Variants in DENND4C observed in about 807,000 individuals in gnomAD.
The protein encoded by DENND4C is DENN domain containing 4C, also known as DENN domain-containing protein 4C.
Under a neutral mutation model 203.0 loss-of-function variants are expected in DENND4C, and 108 were observed. The observed-to-expected ratio is 0.53, with a 90% CI of 0.46 to 0.62. The LOEUF (loss-of-function observed/expected upper bound fraction) is 0.62. Ranked by LOEUF, DENND4C falls within the 20% of genes least tolerant of loss-of-function variation. The pLI is 0.00. For synonymous variants in DENND4C, 871 were observed against 792.4 expected, an observed-to-expected ratio of 1.10 and a Z score of -1.67; for missense variants, 2,481 against 2,301.2, an observed-to-expected ratio of 1.08 and a Z score of -1.60.
rs764769158 is a variant in DENND4C, at chr9:19,372,086, G to T, written c.5790G>T (p.Glu1930Asp). The stretch of plus-strand genomic sequence containing the variant: ...TTGCATACAATAGTCTGTCTTCAGA[G>T]ATTCTTGAAAGGTTGCAGAAAATTG... ...YGIAYNSLSS[E>D]ILERLQKIDA... Residue 1930 changes from glutamate to aspartate, a missense_variant, in exon 33 of 33, where the codon GAG becomes GAT. By Grantham distance (45) the Glu-to-Asp change is conservative. Coordinates refer to ENST00000434457, the MANE Select transcript of DENND4C (RefSeq NM_001330640.2). 1.2e-6 allele frequency: 2 copies of T among 1,614,004 alleles called. No homozygotes were observed. Among genetic ancestry groups the T allele is most frequent in the South Asian group, 1.1e-5 (1 of 91,088 alleles).
At chr9:19,356,048 T>G (rs1324591564) in intron 26 of DENND4C, among the ~76,000 whole-genome samples, 1 of 152,176 alleles carries the variant, frequency 6.6e-6, no homozygotes, top group Non-Finnish European at 1.5e-5. Context: ...CCCCTGAATA[T>G]GTTGTTATAG....
At chr9:19,252,007 C>A (rs1220443426) in intron 1 of DENND4C, among the ~76,000 whole-genome samples, 1 of 152,184 alleles carries the variant, frequency 6.6e-6, no homozygotes, top group African/African-American at 2.4e-5. Flanking sequence ...GATATCTTTT[C>A]AGCAGTGCCC....
chr9:19,272,296 T>C (rs553233597), intron 1 of DENND4C, among the ~76,000 whole-genome samples: 1 of 151,786 alleles, frequency 6.6e-6, no homozygotes, highest in Admixed American at 6.6e-5. Context: ...GGGACATGCC[T>C]GTAATCCCAG....
intron 2 of DENND4C, among the ~76,000 whole-genome samples, chr9:19,283,007 C>T (rs1372402223): frequency 1.3e-5 from 2 of 151,980 alleles, no homozygotes; most frequent in African/African-American, 4.8e-5. Context: ...GCGTGAGCCA[C>T]CGCCTCTGAC....
chr9:19,326,063 G>A lies in DENND4C; in HGVS notation c.1990-1G>A. ...AATTGGGGAAAAATAATGATTTTCA[G>A]GTTGATTTTGATTCAGCAGAAGATA... On this transcript the variant is annotated splice_acceptor_variant, in intron 14 of 32. Transcript: ENST00000434457. LOFTEE classifies it high-confidence loss of function. 6.2e-7 allele frequency: 1 copy of A among 1,607,550 alleles called. No homozygotes were observed. Among genetic ancestry groups the A allele is most frequent in the Non-Finnish European group, 8.5e-7 (1 of 1,178,114 alleles).
chr9:19,238,173 C>A (rs1034017618), intron 1 of DENND4C, among the ~76,000 whole-genome samples: 2 of 151,452 alleles, frequency 1.3e-5, no homozygotes, highest in South Asian at 4.2e-4. Flanking sequence ...ACCTGTGCCT[C>A]CTGGATTCAA....
intron 1 of DENND4C, among the ~76,000 whole-genome samples, chr9:19,271,291 A>C (rs80034021): frequency 0.028 from 4,192 of 147,096 alleles, 190 homozygotes; most frequent in African/African-American, 0.098. Context: ...TCTCTGCCTC[A>C]CTAATTCAAG....
chr9:19,321,491 GTTTTGTTTTTGT>G (rs897058953), intron 12 of DENND4C, among the ~76,000 whole-genome samples: 2 of 151,098 alleles, frequency 1.3e-5, no homozygotes, highest in Non-Finnish European at 3.0e-5. Context: ...GTTTTGTTTT[GTTTTGTTTTTGT>G]TTTTGTTTTT....
rs1448113786 is a variant in DENND4C at position 19,282,650 on chromosome 9, A to G, written c.306-4119A>G. 4.7e-5 allele frequency among the ~76,000 whole-genome samples: 7 copies of G among 150,342 alleles called. No homozygotes were observed. In the East Asian group the frequency reaches 1.4e-3, roughly 29 times the overall value. On this transcript the variant is annotated intron_variant, in intron 2 of 32. Coordinates refer to ENST00000434457, the MANE Select transcript of DENND4C (RefSeq NM_001330640.2). ...AAGTGATCCAGCCTCAGCCTGCTGA[A>G]TAGCTGGCACTAGCTTGGTTTTTAA...
At chr9:19,265,888 A>G (rs1830392464) in intron 1 of DENND4C, among the ~76,000 whole-genome samples, 2 of 152,290 alleles carry the variant, frequency 1.3e-5, no homozygotes, top group South Asian at 4.1e-4. Context: ...AGTCTTTACT[A>G]TTGTGAATAG....
intron 1 of DENND4C, among the ~76,000 whole-genome samples, chr9:19,259,215 G>A (rs563047762): frequency 6.6e-6 from 1 of 151,538 alleles, no homozygotes; most frequent in Non-Finnish European, 1.5e-5. Context: ...ATTTTTGTAT[G>A]CATTAACCGT....
In DENND4C at chr9:19,286,905, C is replaced by G; in HGVS notation, c.442C>G (p.Pro148Ala). 8.1e-7 allele frequency: 1 copy of G among 1,232,102 alleles called. No individual in the cohort carries two copies. 76.3% of individuals were successfully genotyped at this position (1,232,102 alleles called of 1,614,324 possible). A position where few individuals can be genotyped will look rare whatever the true frequency, so the allele number is the denominator to read the frequency against. The change falls in exon 3 of 33, where the codon CCA becomes GCA. Residue 148 changes from proline (P) to alanine (A), a missense_variant. Transcript: ENST00000434457. ...CTTTATCACTTATCGAAGGGCTCCT[C>G]CAGTTCGACCCCAGAATTCCTTGGC... The part of the protein sequence containing the change: ...RIFITYRRAP[P>A]VRPQNSLAVT...
In DENND4C at chr9:19,372,292, GGGGAC is replaced by G; in HGVS notation, c.*120_*124del. The G allele has an allele frequency of 8.2e-7, 1 of 1,223,406 alleles. No homozygotes were observed. The highest frequency in any genetic ancestry group is 1.1e-6 in the Non-Finnish European group (1 of 876,688). The allele number at this position is 1,223,406 out of a possible 1,614,324, so 75.8% of individuals were successfully genotyped here. A position where few individuals can be genotyped will look rare whatever the true frequency, so the allele number is the denominator to read the frequency against. ...TGAATACGGAATTGAAGTAACTCTT[GGGGAC>G]AATATATAATGAATTATGATTCATA... On this transcript the variant is annotated 3_prime_UTR_variant, in exon 33 of 33. Coordinates refer to ENST00000434457, the MANE Select transcript of DENND4C (RefSeq NM_001330640.2).
chr9:19,251,373 A>G (rs964163875), intron 1 of DENND4C, among the ~76,000 whole-genome samples: 7 of 152,222 alleles, frequency 4.6e-5, no homozygotes, highest in African/African-American at 1.7e-4. Context: ...GGCCCAGCCC[A>G]CAAAACCACT....
chr9:19,324,320 C>A (rs745921681), intron 12 of DENND4C, 42 bp from the exon 13 acceptor site: 6 of 1,482,256 alleles, frequency 4.0e-6, no homozygotes, highest in Non-Finnish European at 3.7e-6. Context: ...ATATCGAATT[C>A]CAGTTTAAAA....
At chr9:19,295,226 G>A (rs1837189707) in intron 5 of DENND4C, among the ~76,000 whole-genome samples, 1 of 151,792 alleles carries the variant, frequency 6.6e-6, no homozygotes, top group African/African-American at 2.4e-5. Context: ...AAAAAATTAG[G>A]CCGGGCGCAG....
intron 1 of DENND4C, among the ~76,000 whole-genome samples, chr9:19,259,390 T>A (rs1021540987): frequency 6.6e-6 from 1 of 152,202 alleles, no homozygotes; most frequent in African/African-American, 2.4e-5. Context: ...CTTACTTTAC[T>A]TAATATAATG....
At chr9:19,249,494 G>T (rs992776960) in intron 1 of DENND4C, among the ~76,000 whole-genome samples, 13 of 152,082 alleles carry the variant, frequency 8.5e-5, no homozygotes, top group African/African-American at 3.1e-4. Context: ...GATCTCAAGT[G>T]ATCCACCTGC....
At chr9:19,241,049 G>C (rs1458020477) in intron 1 of DENND4C, among the ~76,000 whole-genome samples, 1 of 152,100 alleles carries the variant, frequency 6.6e-6, no homozygotes, top group Non-Finnish European at 1.5e-5. Context: ...CCTATAATAG[G>C]GCACTTACCA....
Sources: gnomAD v4.1 joint callset for allele counts (sites outside exome capture counted in the v4.1 genomes callset) on GRCh38, gnomAD v4.1.1 for gene constraint, MANE v1.5 for transcripts, NCBI Gene and HGNC (gene_info 2026-07-23, HGNC 2026-07-21) for gene names.